Variants in FER1L6 observed in about 807,000 individuals in gnomAD.
FER1L6 encodes the protein fer-1 like family member 6, also known as fer-1-like protein 6.
FER1L6 carries 177 observed loss-of-function variants against 219.2 expected under a neutral mutation model. That is an observed-to-expected ratio of 0.81 (90% CI 0.71 to 0.91). FER1L6 has a LOEUF of 0.91. FER1L6 is among the 40% of genes least tolerant of loss of function. The pLI, the probability that FER1L6 is intolerant of heterozygous loss-of-function variation, is 0.00. For missense variants in FER1L6, 2,153 were observed against 2,259.9 expected (o/e 0.95, Z 0.96); for synonymous variants, 768 against 824.3 (o/e 0.93, Z 1.17).
intron 1 of FER1L6, among the ~76,000 whole-genome samples, chr8:123,935,205 TTTA>T (rs1218304926): frequency 6.6e-6 from 1 of 152,214 alleles, no homozygotes; most frequent in Non-Finnish European, 1.5e-5. Flanking sequence ...CCTTTCCCTT[TTTA>T]TTATCAGTAT....
chr8:123,955,535 T>C (rs1325128404), intron 1 of FER1L6, among the ~76,000 whole-genome samples: 1 of 152,166 alleles, frequency 6.6e-6, no homozygotes, highest in African/African-American at 2.4e-5. Flanking sequence ...CAGGCAGGCC[T>C]GGGATCCAGT....
At chr8:124,083,847 T>C (rs1287759088) in intron 33 of FER1L6, among the ~76,000 whole-genome samples, 1 of 152,190 alleles carries the variant, frequency 6.6e-6, no homozygotes, top group Non-Finnish European at 1.5e-5. Flanking sequence ...ACTGAATCTG[T>C]AGGTTGCTTT....
chr8:124,007,602 T>G (rs1040971825), intron 13 of FER1L6, among the ~76,000 whole-genome samples: 3 of 152,232 alleles, frequency 2.0e-5, no homozygotes, highest in African/African-American at 7.2e-5. Context: ...TAACTGCCTC[T>G]TATCAGCATG....
intron 21 of FER1L6, 194 bp downstream of exon 21, chr8:124,046,095 A>G (rs184303222): frequency 1.8e-6 from 1 of 547,586 alleles, no homozygotes; most frequent in Non-Finnish European, 3.1e-6. Flanking sequence ...TTGCTTTACT[A>G]AAAGAGTTTT....
Position 124,007,980 on chromosome 8 carries a change from G to C in FER1L6, c.1701-2614G>C, listed in dbSNP as rs550430943. 3.5e-4 allele frequency among the ~76,000 whole-genome samples: 54 copies of C among 152,210 alleles called. 2 individuals are homozygous for C. In the South Asian group the frequency reaches 0.011, roughly 31 times the overall value. On this transcript the variant is annotated intron_variant, in intron 13 of 40. Transcript: ENST00000522917. ...TCCATAGGTTTTGGTGGAACACATG[G>C]TATTTGGTTACATGAGTAAATTCTT...
chr8:123,980,683 G>C lies in FER1L6; in HGVS notation c.1282G>C (p.Asp428His). Residue 428 changes from aspartate to histidine, a missense_variant, in exon 11 of 41, where the codon GAC (aspartate) becomes CAC (histidine). Transcript: ENST00000522917. ...GAAGGAGCTCAAGTTGCCTTCCAAG[G>C]ACAAAGACTCCAAATCTTCCAAAGG... is the stretch of plus-strand genomic sequence containing the variant. The part of the protein sequence containing the change: ...ALKELKLPSK[D>H]KDSKSSKGKD... 6.2e-7 allele frequency: 1 copy of C among 1,614,114 alleles called. No homozygotes were observed. Among genetic ancestry groups the C allele is most frequent in the Non-Finnish European group, 8.5e-7 (1 of 1,180,000 alleles).
At chr8:124,107,275 ACTCAGTGTACTGAGCACATAAGTG>A (rs1473151343) in intron 39 of FER1L6, among the ~76,000 whole-genome samples, 2 of 152,154 alleles carry the variant, frequency 1.3e-5, no homozygotes, top group Non-Finnish European at 2.9e-5. Flanking sequence ...CCTTCTGTTT[ACTCAGTGTACTGAGCACATAAGTG>A]CTCAGTAAAT....
chr8:123,937,980 A>G (rs1814073538), intron 1 of FER1L6, among the ~76,000 whole-genome samples: 1 of 152,188 alleles, frequency 6.6e-6, no homozygotes, highest in East Asian at 1.9e-4. Flanking sequence ...TCTCCATCTA[A>G]AAATAGTTCT....
At chr8:124,035,518 A>G in intron 19 of FER1L6, 64 bp downstream of exon 19, 1 of 1,511,594 alleles carries the variant, frequency 6.6e-7, no homozygotes, top group Non-Finnish European at 8.9e-7. Flanking sequence ...AAAAGATAAT[A>G]AGGAGGGCAG....
At position 123,977,596 on chromosome 8, in the gene FER1L6, G is replaced by A. The variant is rs1219391795; in HGVS notation, c.1050G>A (p.Gln350=). Residue 350 remains glutamine (Q), a synonymous_variant, in exon 10 of 41, where the codon CAG becomes CAA. Coordinates refer to ENST00000522917, the MANE Select transcript of FER1L6 (RefSeq NM_001039112.2). The part of the protein sequence containing the change: ...FIDLKKISNE[Q]DGDKGFLPTF... ...ACCTGAAGAAAATCTCCAACGAACAGGATGGAGACAAAGGTAAAGTCCCAT... is the reference window on the plus strand; with the variant it reads ...ACCTGAAGAAAATCTCCAACGAACAAGATGGAGACAAAGGTAAAGTCCCAT... The A allele has an allele frequency of 1.2e-6, 2 of 1,613,958 alleles. No homozygotes were observed. Among genetic ancestry groups the A allele is most frequent in the South Asian group, 1.1e-5 (1 of 91,044 alleles).
At chr8:123,870,287 A>G (rs1226407531) in intron 1 of FER1L6, among the ~76,000 whole-genome samples, 1 of 152,220 alleles carries the variant, frequency 6.6e-6, no homozygotes, top group Non-Finnish European at 1.5e-5. Flanking sequence ...TTCAGCAATC[A>G]TGCTTCTAGG....
At chr8:123,991,030 C>T (rs952651897) in intron 12 of FER1L6, among the ~76,000 whole-genome samples, 1 of 152,064 alleles carries the variant, frequency 6.6e-6, no homozygotes, top group African/African-American at 2.4e-5. Flanking sequence ...TAAGTATTGG[C>T]TTTATTTCTG....
chr8:123,987,978 A>G (rs1452268990), intron 12 of FER1L6, among the ~76,000 whole-genome samples: 2 of 152,138 alleles, frequency 1.3e-5, no homozygotes, highest in Non-Finnish European at 2.9e-5. Flanking sequence ...TGTGCCTGTA[A>G]TCCCAGCTAC....
chr8:123,919,492 T>G (rs1361839546), intron 1 of FER1L6, among the ~76,000 whole-genome samples: 1 of 152,212 alleles, frequency 6.6e-6, no homozygotes, highest in Admixed American at 6.5e-5. Flanking sequence ...CCTCAGTGCT[T>G]GCCCTGGGGG....
intron 32 of FER1L6, among the ~76,000 whole-genome samples, chr8:124,076,667 A>G (rs28609259): frequency 6.6e-6 from 1 of 152,214 alleles, no homozygotes; most frequent in African/African-American, 2.4e-5. Flanking sequence ...TTTAATAGGC[A>G]TCTTGCAGGG....
chr8:123,968,409 A>C (rs540982315), intron 5 of FER1L6, among the ~76,000 whole-genome samples: 2 of 152,280 alleles, frequency 1.3e-5, no homozygotes, highest in South Asian at 4.2e-4. Flanking sequence ...GAAGGAACCC[A>C]TTAGTTGGAG....
chr8:124,060,309 G>T lies in FER1L6; in HGVS notation c.2985+19G>T, dbSNP rs762348097. Reference sequence around the variant, plus strand: ...AGTGGAGGTACGGGTCAGCGGAGGAGCTGAGTTGTTCTTTGGCACTCAAGG... The same window carrying T: ...AGTGGAGGTACGGGTCAGCGGAGGATCTGAGTTGTTCTTTGGCACTCAAGG... On this transcript the variant is annotated intron_variant, in intron 23 of 40. Transcript: ENST00000522917. The T allele has an allele frequency of 6.2e-7, 1 of 1,611,722 alleles. No individual in the cohort carries two copies. Among genetic ancestry groups the T allele is most frequent in the South Asian group, 1.1e-5 (1 of 91,034 alleles).
chr8:123,975,452 C>A, intron 8 of FER1L6, 146 bp downstream of exon 8: 1 of 693,390 alleles, frequency 1.4e-6, no homozygotes, highest in Non-Finnish European at 2.4e-6. Flanking sequence ...TATCAGACAC[C>A]AAGATGTGTC....
chr8:124,106,328 C>CAAAAAAAAAAAA (rs71289636), intron 39 of FER1L6, among the ~76,000 whole-genome samples: 1 of 63,848 alleles, frequency 1.6e-5, no homozygotes, highest in African/African-American at 6.4e-5. Context: ...GACTCTGTCT[C>CAAAAAAAAAAAA]AAAAAAAAAA....
Sources: allele counts gnomAD v4.1 joint callset (sites outside exome capture counted in the v4.1 genomes callset), GRCh38; gene constraint gnomAD v4.1.1; transcripts MANE v1.5; gene names NCBI Gene and HGNC (gene_info 2026-07-23, HGNC 2026-07-21).